C3orf70: variants seen among roughly 807,000 people sequenced by gnomAD.
C3orf70 encodes the protein UPF0524 protein C3orf70.
A neutral mutation model predicts 20.7 loss-of-function variants in C3orf70; 15 were observed. The observed-to-expected ratio is 0.72, with a 90% CI of 0.48 to 1.11. C3orf70 has a LOEUF of 1.11. Ranked by LOEUF, C3orf70 falls within the 50% of genes most tolerant of loss-of-function variation. The pLI, the probability that C3orf70 is intolerant of heterozygous loss-of-function variation, is 0.00. For synonymous variants in C3orf70, 161 were observed against 125.7 expected, an observed-to-expected ratio of 1.28 and a Z score of -1.88; for missense variants, 332 against 317.6, an observed-to-expected ratio of 1.05 and a Z score of -0.34.
At chr3:185,109,577 G>T (rs73190975) in intron 1 of C3orf70, among the ~76,000 whole-genome samples, 8,000 of 152,128 alleles carry the variant, frequency 0.053, 682 homozygotes, top group African/African-American at 0.18. Context: ...GAAGAAAACC[G>T]GAGGAAAGGG....
Position 185,078,268 on chromosome 3 carries a change from G to A in C3orf70, c.*4739C>T, listed in dbSNP as rs1259897135. 6.6e-6 allele frequency: 1 copy of A among 152,514 alleles called. No homozygotes were observed. The highest frequency in any genetic ancestry group is 1.5e-5 in the Non-Finnish European group (1 of 68,024). 9.4% of individuals were successfully genotyped at this position (152,514 alleles called of 1,614,324 possible). The stretch of plus-strand genomic sequence containing the variant: ...TATGAACAGCCTTAAAAAGTGAGGT[G>A]GACACAACGATATAGAAGCTCAATA... On this transcript the variant is annotated 3_prime_UTR_variant, in exon 2 of 2. Transcript: ENST00000335012.
chr3:185,100,756 G>T (rs925201430), intron 1 of C3orf70, among the ~76,000 whole-genome samples: 48 of 150,000 alleles, frequency 3.2e-4, no homozygotes, highest in African/African-American at 1.2e-3. Context: ...CCTGGAGTTG[G>T]TTTTTTGAAA....
intron 1 of C3orf70, among the ~76,000 whole-genome samples, chr3:185,092,197 A>G (rs563139585): frequency 1.3e-5 from 2 of 152,094 alleles, no homozygotes; most frequent in South Asian, 4.2e-4. Flanking sequence ...ATGGTTAAAC[A>G]TGAAAATGCT....
chr3:185,082,675 G>A lies in C3orf70; in HGVS notation c.*332C>T, dbSNP rs531623074. The A allele has an allele frequency of 5.1e-5, 12 of 236,584 alleles. No homozygotes were observed. Among genetic ancestry groups the A allele is most frequent in the Admixed American group, 2.1e-4 (4 of 19,278 alleles). 14.7% of individuals were successfully genotyped at this position (236,584 alleles called of 1,614,324 possible). ...AGAAAACACCGGCTCCTTCCCTTTCGGTACCTCCTCAATCTGATCCAAGAT... is the reference window on the plus strand; with the variant it reads ...AGAAAACACCGGCTCCTTCCCTTTCAGTACCTCCTCAATCTGATCCAAGAT... On this transcript the variant is annotated 3_prime_UTR_variant, in exon 2 of 2. Transcript: ENST00000335012.
intron 1 of C3orf70, among the ~76,000 whole-genome samples, chr3:185,147,838 T>G (rs1716908576): frequency 6.6e-6 from 1 of 152,250 alleles, no homozygotes; most frequent in Non-Finnish European, 1.5e-5. Flanking sequence ...AAGTCACTGT[T>G]GCAAGACTAA....
At chr3:185,139,550 CAAA>C (rs35792284) in intron 1 of C3orf70, among the ~76,000 whole-genome samples, 1 of 135,694 alleles carries the variant, frequency 7.4e-6, no homozygotes. Flanking sequence ...AAGACTGTCT[CAAA>C]AAAAAAAAAA....
intron 1 of C3orf70, among the ~76,000 whole-genome samples, chr3:185,137,353 G>C (rs895571839): frequency 6.6e-6 from 1 of 152,126 alleles, no homozygotes; most frequent in African/African-American, 2.4e-5. Context: ...GCGTGAAAAC[G>C]AACTAATACA....
intron 1 of C3orf70, among the ~76,000 whole-genome samples, chr3:185,109,108 A>G (rs1021662089): frequency 1.3e-5 from 2 of 152,244 alleles, no homozygotes; most frequent in African/African-American, 4.8e-5. Context: ...CAGCAGTTGC[A>G]AAAGCAGAAA....
rs962772617 is a variant in C3orf70 at position 185,077,761 on chromosome 3, G to A, written c.*5246C>T. ...AGCCGAACAGAAAGGCTGTAACTGC[G>A]TGTGAAATAAATGCTATTTGGTGGT... On this transcript the variant is annotated 3_prime_UTR_variant, in exon 2 of 2. Coordinates refer to ENST00000335012, the MANE Select transcript of C3orf70 (RefSeq NM_001025266.3). 4.3e-5 allele frequency among the ~76,000 whole-genome samples: 6 copies of A among 140,650 alleles called. No individual in the cohort carries two copies. Among genetic ancestry groups the A allele is most frequent in the African/African-American group, 7.9e-5 (3 of 37,928 alleles). 92.3% of individuals were successfully genotyped at this position (140,650 alleles called of 152,430 possible). A position where few individuals can be genotyped will look rare whatever the true frequency, so the allele number is the denominator to read the frequency against.
rs1715371668 is a variant in C3orf70, at chr3:185,082,776, T to C, written c.*231A>G. 2.0e-6 allele frequency: 1 copy of C among 497,830 alleles called. No individual in the cohort carries two copies. Among genetic ancestry groups the C allele is most frequent in the African/African-American group, 1.9e-5 (1 of 52,186 alleles). 30.8% of individuals were successfully genotyped at this position (497,830 alleles called of 1,614,324 possible). Reference sequence around the variant, plus strand: ...CGGGGTCACAATTCATGACACCAGATGCTACATAGAAAGTAAGTCAGGATA... The same window carrying C: ...CGGGGTCACAATTCATGACACCAGACGCTACATAGAAAGTAAGTCAGGATA... On this transcript the variant is annotated 3_prime_UTR_variant, in exon 2 of 2. Coordinates refer to ENST00000335012, the MANE Select transcript of C3orf70 (RefSeq NM_001025266.3).
intron 1 of C3orf70, among the ~76,000 whole-genome samples, chr3:185,106,851 C>G (rs912493200): frequency 2.6e-5 from 4 of 152,198 alleles, no homozygotes; most frequent in Non-Finnish European, 4.4e-5. Context: ...AAAAGGAGTG[C>G]AAACACATAC....
intron 1 of C3orf70, among the ~76,000 whole-genome samples, chr3:185,108,021 T>C (rs1208239636): frequency 1.3e-5 from 2 of 152,186 alleles, no homozygotes; most frequent in Admixed American, 6.6e-5. Context: ...TTAAATTACA[T>C]AGATATGATC....
intron 1 of C3orf70, among the ~76,000 whole-genome samples, chr3:185,088,491 G>A (rs190237312): frequency 1.3e-5 from 2 of 152,154 alleles, no homozygotes; most frequent in South Asian, 2.1e-4. Flanking sequence ...GGCACATGAC[G>A]GCTCTGTATT....
intron 1 of C3orf70, among the ~76,000 whole-genome samples, chr3:185,150,951 G>A (rs1716978727): frequency 6.6e-6 from 1 of 152,166 alleles, no homozygotes; most frequent in South Asian, 2.1e-4. Flanking sequence ...CCTATTTCAG[G>A]AAAGACATTG....
chr3:185,079,306 T>TAAAAAAAAAAAAAAAAAAAAAAAAAAAAA lies in C3orf70; in HGVS notation c.*3700_*3701insTTTTTTTTTTTTTTTTTTTTTTTTTTTTT, dbSNP rs1321535800. 18 of 122,846 alleles carry TAAAAAAAAAAAAAAAAAAAAAAAAAAAAA rather than the reference T, an allele frequency of 1.5e-4. No homozygotes were observed. Among genetic ancestry groups the TAAAAAAAAAAAAAAAAAAAAAAAAAAAAA allele is most frequent in the South Asian group, 2.6e-4 (1 of 3,830 alleles). The allele number at this position is 122,846 out of a possible 1,614,324, so 7.6% of individuals were successfully genotyped here. A position where few individuals can be genotyped will look rare whatever the true frequency, so the allele number is the denominator to read the frequency against. ...AAAAAAAAAAAAAAAAAAAAAAAAG[T>TAAAAAAAAAAAAAAAAAAAAAAAAAAAAA]AAAGCCACCACTCCCAAGATAGAAT... On this transcript the variant is annotated 3_prime_UTR_variant, in exon 2 of 2. Transcript: ENST00000335012.
chr3:185,083,603 C>T, intron 1 of C3orf70, 40 bp from the exon 2 acceptor site: 2 of 1,499,360 alleles, frequency 1.3e-6, no homozygotes, highest in Non-Finnish European at 1.8e-6. Context: ...CTATATTACA[C>T]AAACTATATT....
intron 1 of C3orf70, among the ~76,000 whole-genome samples, chr3:185,131,842 G>A (rs552183933): frequency 6.6e-6 from 1 of 152,226 alleles, no homozygotes; most frequent in South Asian, 2.1e-4. Flanking sequence ...TAAAGCTTAA[G>A]GCTTCCTACA....
rs1577314744 is a variant in C3orf70 at position 185,080,782 on chromosome 3, GCTC to G, written c.*2222_*2224del. The G allele has an allele frequency of 6.6e-6, 1 of 152,082 alleles. No individual in the cohort carries two copies. Among genetic ancestry groups the G allele is most frequent in the East Asian group, 1.9e-4 (1 of 5,172 alleles). The allele number at this position is 152,082 out of a possible 1,614,324, so 9.4% of individuals were successfully genotyped here. On this transcript the variant is annotated 3_prime_UTR_variant, in exon 2 of 2. Transcript: ENST00000335012. ...CTGAGCCATGCCCTGGCAGGGGGAA[GCTC>G]CTCATGCTCACACCTGCCTCCAACT...
intron 1 of C3orf70, among the ~76,000 whole-genome samples, chr3:185,123,136 GC>G (rs1716338353): frequency 7.5e-6 from 1 of 132,600 alleles, no homozygotes; most frequent in African/African-American, 2.9e-5. Context: ...CCAAGATCGC[GC>G]CACTGCACTC....
Sources: allele counts gnomAD v4.1 joint callset (sites outside exome capture counted in the v4.1 genomes callset), GRCh38; gene constraint gnomAD v4.1.1; transcripts MANE v1.5; gene names NCBI Gene and HGNC (gene_info 2026-07-23, HGNC 2026-07-21).